Variants in FKBP3 observed in about 807,000 individuals in gnomAD.
The protein encoded by FKBP3 is peptidyl-prolyl cis-trans isomerase FKBP3.
Under a neutral mutation model 30.6 loss-of-function variants are expected in FKBP3, and 21 were observed. That is an observed-to-expected ratio of 0.69 (90% CI 0.49 to 0.99). FKBP3 has a LOEUF of 0.99. Ranked by LOEUF, FKBP3 falls within the 50% of genes least tolerant of loss-of-function variation. The pLI, the probability that FKBP3 is intolerant of heterozygous loss-of-function variation, is 0.00. For synonymous variants in FKBP3, 82 were observed against 91.3 expected (o/e 0.90, Z 0.58); for missense variants, 283 against 261.6 (o/e 1.08, Z -0.56).
intron 4 of FKBP3, 95 bp downstream of exon 4, chr14:45,121,390 G>A: frequency 3.0e-6 from 3 of 995,460 alleles, no homozygotes; most frequent in Non-Finnish European, 4.4e-6. Flanking sequence ...GTAGGTGACA[G>A]TCAGGAAAAA....
intron 3 of FKBP3, among the ~76,000 whole-genome samples, chr14:45,124,559 T>A (rs938684720): frequency 3.3e-4 from 50 of 149,634 alleles, no homozygotes; most frequent in African/African-American, 1.2e-3. Flanking sequence ...ATATATATTT[T>A]TTTTTCTTTT....
rs1594739366 is a variant in FKBP3, at chr14:45,115,946, C to T, written c.*252G>A. ...TTTATTGAGCCACTTAAGTTTACAA[C>T]ATGAGGTAAAAGGAAAAAGTTCTCC... On this transcript the variant is annotated 3_prime_UTR_variant, in exon 7 of 7. Transcript: ENST00000396062. The T allele has an allele frequency of 2.4e-6, 1 of 415,586 alleles. No individual in the cohort carries two copies. The highest frequency in any genetic ancestry group is 3.7e-5 in the East Asian group (1 of 27,376). The allele number at this position is 415,586 out of a possible 1,614,324, so 25.7% of individuals were successfully genotyped here. A position where few individuals can be genotyped will look rare whatever the true frequency, so the allele number is the denominator to read the frequency against.
At chr14:45,116,589 C>T (rs1161969737) in intron 6 of FKBP3, among the ~76,000 whole-genome samples, 4 of 152,050 alleles carry the variant, frequency 2.6e-5, no homozygotes, top group African/African-American at 7.2e-5. Context: ...GGTACGGTAG[C>T]TCACACCTGT....
chr14:45,133,752 CAA>C (rs1471158765), intron 1 of FKBP3, among the ~76,000 whole-genome samples: 1 of 152,174 alleles, frequency 6.6e-6, no homozygotes, highest in East Asian at 1.9e-4. Context: ...CTGTTTATAA[CAA>C]TGACAGACCA....
At chr14:45,132,243 G>A (rs1028540760) in intron 1 of FKBP3, among the ~76,000 whole-genome samples, 4 of 152,028 alleles carry the variant, frequency 2.6e-5, no homozygotes, top group African/African-American at 9.7e-5. Flanking sequence ...TTGACTAAAC[G>A]GAAGTAATCA....
chr14:45,115,934 T>TTAAG lies in FKBP3; in HGVS notation c.*260_*263dup. The TTAAG allele has an allele frequency of 2.5e-6, 1 of 392,210 alleles. No homozygotes were observed. The highest frequency in any genetic ancestry group is 4.8e-6 in the Non-Finnish European group (1 of 210,482). The allele number at this position is 392,210 out of a possible 1,614,324, so 24.3% of individuals were successfully genotyped here. A position where few individuals can be genotyped will look rare whatever the true frequency, so the allele number is the denominator to read the frequency against. ...AGTGGATCAATTTTTATTGAGCCAC[T>TTAAG]TAAGTTTACAACATGAGGTAAAAGG... On this transcript the variant is annotated 3_prime_UTR_variant, in exon 7 of 7. Coordinates refer to ENST00000396062, the MANE Select transcript of FKBP3 (RefSeq NM_002013.4).
chr14:45,130,006 T>C, intron 2 of FKBP3, 105 bp from the exon 3 acceptor site: 3 of 568,102 alleles, frequency 5.3e-6, no homozygotes, highest in Non-Finnish European at 9.1e-6. Flanking sequence ...ATAATAAATA[T>C]AGGTTGTATA....
At chr14:45,134,321 A>G in intron 1 of FKBP3, 28 bp downstream of exon 1, 1 of 1,563,394 alleles carries the variant, frequency 6.4e-7, no homozygotes, top group Non-Finnish European at 8.8e-7. Context: ...CAGCCGCACC[A>G]GCCCGGCCGC....
At chr14:45,118,183 C>T in intron 5 of FKBP3, 58 bp from the exon 6 acceptor site, 3 of 957,428 alleles carry the variant, frequency 3.1e-6, no homozygotes, top group Non-Finnish European at 4.9e-6. Flanking sequence ...CATGCAATAC[C>T]AGGACAGTCA....
At chr14:45,120,374 T>C (rs369382126) in intron 5 of FKBP3, among the ~76,000 whole-genome samples, 5 of 152,346 alleles carry the variant, frequency 3.3e-5, no homozygotes, top group East Asian at 1.9e-4. Context: ...AGCATGCTCA[T>C]GTTTGAATGA....
intron 3 of FKBP3, among the ~76,000 whole-genome samples, chr14:45,122,727 A>C (rs1566705007): frequency 6.6e-6 from 1 of 151,196 alleles, no homozygotes; most frequent in Non-Finnish European, 1.5e-5. Context: ...ATGGTCTCGA[A>C]CTCCAGACCT....
In FKBP3 at chr14:45,116,378, C is replaced by T. The variant is rs553830568; in HGVS notation, c.621-126G>A. 7.7e-4 allele frequency: 486 copies of T among 633,216 alleles called. 3 individuals carry two copies. Among genetic ancestry groups the T allele is most frequent in the Non-Finnish European group, 1.2e-3 (405 of 343,796 alleles). 39.2% of individuals were successfully genotyped at this position (633,216 alleles called of 1,614,324 possible). ...TGAGCTTGGACTAGGATCCTCCTTA[C>T]CTGGATGCTTTACAAGTACTCCTAA... On this transcript the variant is annotated intron_variant, in intron 6 of 6. Transcript: ENST00000396062.
intron 3 of FKBP3, among the ~76,000 whole-genome samples, chr14:45,122,277 A>AT (rs1055191460): frequency 2.1e-5 from 3 of 140,778 alleles, no homozygotes; most frequent in African/African-American, 7.3e-5. Flanking sequence ...TAGGGAGTTA[A>AT]TTAAAAAAAA....
At chr14:45,120,109 T>C (rs767206990) in intron 5 of FKBP3, among the ~76,000 whole-genome samples, 3 of 152,194 alleles carry the variant, frequency 2.0e-5, no homozygotes, top group Non-Finnish European at 2.9e-5. Context: ...GAGAGTAATA[T>C]ATTGAAGGTT....
chr14:45,115,975 A>T lies in FKBP3; in HGVS notation c.*223T>A. ...AGGTAAAAGGAAAAAGTTCTCCTTG[A>T]CCAGTATTTTACACAGCTGTAGGAA... On this transcript the variant is annotated 3_prime_UTR_variant, in exon 7 of 7. Coordinates refer to ENST00000396062, the MANE Select transcript of FKBP3 (RefSeq NM_002013.4). 2.1e-6 allele frequency: 1 copy of T among 481,666 alleles called. No homozygotes were observed. 29.8% of individuals were successfully genotyped at this position (481,666 alleles called of 1,614,324 possible).
chr14:45,134,431 G>A lies in FKBP3; in HGVS notation c.26C>T (p.Ala9Val), dbSNP rs765674278. MAAAVPQR[A>V]WTVEQLRSEQ... ...ACTGCGCAGCTGCTCCACGGTCCACGCCCGCTGTGGAACGGCCGCCGCCAT... is the reference window on the plus strand; with the variant it reads ...ACTGCGCAGCTGCTCCACGGTCCACACCCGCTGTGGAACGGCCGCCGCCAT... The change falls in exon 1 of 7, where the codon GCG becomes GTG. Residue 9 changes from alanine to valine, a missense_variant. Coordinates refer to ENST00000396062, the MANE Select transcript of FKBP3 (RefSeq NM_002013.4). 5.0e-6 allele frequency: 8 copies of A among 1,611,656 alleles called. No homozygotes were observed. Among genetic ancestry groups the A allele is most frequent in the African/African-American group, 1.3e-5 (1 of 74,828 alleles).
At chr14:45,119,825 C>CTA (rs1390875603) in intron 5 of FKBP3, among the ~76,000 whole-genome samples, 2 of 151,558 alleles carry the variant, frequency 1.3e-5, no homozygotes, top group Admixed American at 1.3e-4. Flanking sequence ...GTAGCTGGGA[C>CTA]TACAGGCAAG....
At chr14:45,129,939 GC>G in intron 2 of FKBP3, 38 bp from the exon 3 acceptor site, 1 of 1,340,184 alleles carries the variant, frequency 7.5e-7, no homozygotes, top group Non-Finnish European at 1.0e-6. Context: ...CCCAGGACAG[GC>G]TAAAACCAAG....
intron 5 of FKBP3, among the ~76,000 whole-genome samples, chr14:45,120,685 C>T (rs1884965626): frequency 6.6e-6 from 1 of 152,152 alleles, no homozygotes; most frequent in Non-Finnish European, 1.5e-5. Context: ...TTGAGGTAGG[C>T]AGTACTGTCC....
Sources: gnomAD v4.1 joint callset for allele counts (sites outside exome capture counted in the v4.1 genomes callset) on GRCh38, gnomAD v4.1.1 for gene constraint, MANE v1.5 for transcripts, NCBI Gene and HGNC (gene_info 2026-07-23, HGNC 2026-07-21) for gene names.